Variants in SPAG9 observed in about 807,000 individuals in gnomAD.
SPAG9 encodes C-Jun-amino-terminal kinase-interacting protein 4.
SPAG9 carries 35 observed loss-of-function variants against 166.5 expected under a neutral mutation model. The ratio of observed to expected loss-of-function variants is 0.21; its 90% CI spans 0.16 to 0.28. The LOEUF (loss-of-function observed/expected upper bound fraction) is 0.28, where lower values mean the gene tolerates loss of function less well. SPAG9 is among the 10% of genes least tolerant of loss of function. SPAG9 has a pLI of 1.00. For missense variants in SPAG9, 1,235 were observed against 1,603.3 expected, an observed-to-expected ratio of 0.77 and a Z score of 3.92; for synonymous variants, 534 against 565.5, an observed-to-expected ratio of 0.94 and a Z score of 0.79.
chr17:51,117,125 C>A (rs796977389), intron 1 of SPAG9, among the ~76,000 whole-genome samples: 5 of 152,212 alleles, frequency 3.3e-5, no homozygotes, highest in African/African-American at 1.2e-4. Context: ...TAGCTCCACA[C>A]TAGAAATTCA....
In SPAG9 at chr17:50,974,958, A is replaced by G; in HGVS notation, c.3524-11T>C. ...CTGAGGTTTTATTTGCTGCAACAGA[A>G]AAACCAAATACCAAATATTTTCCCC... On this transcript the variant is annotated splice_polypyrimidine_tract_variant and intron_variant, in intron 27 of 29. Transcript: ENST00000262013. The G allele has an allele frequency of 6.2e-7, 1 of 1,609,646 alleles. No homozygotes were observed. The highest frequency in any genetic ancestry group is 8.5e-7 in the Non-Finnish European group (1 of 1,178,768).
At chr17:51,098,135 T>C (rs1378281583) in intron 1 of SPAG9, among the ~76,000 whole-genome samples, 1 of 151,452 alleles carries the variant, frequency 6.6e-6, no homozygotes, top group East Asian at 1.9e-4. Flanking sequence ...ACCCCACATA[T>C]TTGGTCACAG....
chr17:50,990,584 G>A lies in SPAG9; in HGVS notation c.2483C>T (p.Thr828Ile). 3.7e-6 allele frequency: 6 copies of A among 1,614,174 alleles called. No individual in the cohort carries two copies. Among genetic ancestry groups the A allele is most frequent in the Middle Eastern group, 1.6e-4 (1 of 6,062 alleles). Reference sequence around the variant, plus strand: ...GTCTGTCTCTGCTGAGCTGTTGCTTGTCATACTTCCACATAAAGATGCTTT... The same window carrying A: ...GTCTGTCTCTGCTGAGCTGTTGCTTATCATACTTCCACATAAAGATGCTTT... ...VDKASLCGSM[T>I]SNSSAETDSL... Residue 828 changes from threonine to isoleucine, a missense_variant, in exon 20 of 30, where the codon ACA becomes ATA. Physicochemically the swap from Thr to Ile is moderately conservative, Grantham distance 89. Transcript: ENST00000262013.
intron 22 of SPAG9, 36 bp downstream of exon 22, chr17:50,987,076 A>G (rs1298044101): frequency 6.4e-7 from 1 of 1,570,256 alleles, no homozygotes; most frequent in Non-Finnish European, 8.6e-7. Flanking sequence ...CAAAAGTAAA[A>G]CAACATATTC....
At chr17:51,113,628 C>T (rs1425354983) in intron 1 of SPAG9, among the ~76,000 whole-genome samples, 1 of 149,234 alleles carries the variant, frequency 6.7e-6, no homozygotes, top group Non-Finnish European at 1.5e-5. Context: ...TGCAGTGAGC[C>T]AAGATCGCGC....
chr17:51,100,746 C>A (rs997398480), intron 1 of SPAG9, among the ~76,000 whole-genome samples: 3 of 151,942 alleles, frequency 2.0e-5, no homozygotes, highest in Non-Finnish European at 4.4e-5. Flanking sequence ...ATGGAGAAAC[C>A]CCCTCTCTAC....
Position 51,047,422 on chromosome 17 carries a change from C to T in SPAG9, c.543G>A (p.Gln181=). The T allele has an allele frequency of 6.3e-7, 1 of 1,593,798 alleles. No homozygotes were observed. The highest frequency in any genetic ancestry group is 8.6e-7 in the Non-Finnish European group (1 of 1,168,464). Residue 181 remains glutamine (Q), a synonymous_variant, in exon 4 of 30, where the codon CAG becomes CAA. Coordinates refer to ENST00000262013, the MANE Select transcript of SPAG9 (RefSeq NM_001130528.3). ...ATTCTAGTTGATCACTCCCTGAGAG[C>T]TGATGAAGTTTTGTTCTTTCTAAAT... ...MEHLERTKLH[Q]LSGSDQLEST...
chr17:51,021,236 T>C lies in SPAG9; in HGVS notation c.913A>G (p.Thr305Ala), dbSNP rs2045925736. ...ATCTCTGATTTATTTGGCGCATCTG[T>C]AACCTTCACAAATCCTTCGTTTTCT... ...KEENEGFVKV[T>A]DAPNKSEISK... is the part of the protein sequence containing the mutation. Residue 305 changes from threonine (T) to alanine (A), a missense_variant, in exon 7 of 30, where the codon ACA becomes GCA. By Grantham distance (58) the Thr-to-Ala change is moderately conservative. Transcript: ENST00000262013. The C allele has an allele frequency of 6.2e-7, 1 of 1,614,150 alleles. No individual in the cohort carries two copies. The highest frequency in any genetic ancestry group is 8.5e-7 in the Non-Finnish European group (1 of 1,180,004).
At chr17:51,079,741 A>T (rs753377441) in intron 1 of SPAG9, 37 bp from the exon 2 acceptor site, 1 of 1,379,978 alleles carries the variant, frequency 7.2e-7, no homozygotes, top group Non-Finnish European at 1.0e-6. Flanking sequence ...AATCAGAGAA[A>T]TTAAACTTTA....
intron 6 of SPAG9, among the ~76,000 whole-genome samples, chr17:51,024,197 T>G (rs893802776): frequency 1.3e-5 from 2 of 151,752 alleles, no homozygotes; most frequent in Non-Finnish European, 2.9e-5. Context: ...GAGGCAGAGG[T>G]TGCAGTGAGC....
intron 1 of SPAG9, among the ~76,000 whole-genome samples, chr17:51,083,713 G>C (rs1366322440): frequency 6.6e-6 from 1 of 151,958 alleles, no homozygotes; most frequent in Non-Finnish European, 1.5e-5. Flanking sequence ...GAGCCACCAT[G>C]TTTAACTTTC....
chr17:50,985,442 T>G (rs1253109622), intron 23 of SPAG9, among the ~76,000 whole-genome samples: 1 of 152,220 alleles, frequency 6.6e-6, no homozygotes, highest in Non-Finnish European at 1.5e-5. Context: ...TTAATAGGTA[T>G]TGGTTATTTC....
At position 51,010,011 on chromosome 17, in the gene SPAG9, A is replaced by C. The variant is rs557247802; in HGVS notation, c.1214-2685T>G. 7.9e-4 allele frequency among the ~76,000 whole-genome samples: 120 copies of C among 152,282 alleles called. 1 individual carries two copies. The highest frequency in any genetic ancestry group is 1.1e-3 in the Non-Finnish European group (78 of 68,018). Reference sequence around the variant, plus strand: ...TCTATTCAAGACTTAAATGAAGCACAAACTTAGGTCTAATACATTTGAAAA... The same window carrying C: ...TCTATTCAAGACTTAAATGAAGCACCAACTTAGGTCTAATACATTTGAAAA... On this transcript the variant is annotated intron_variant, in intron 9 of 29. Coordinates refer to ENST00000262013, the MANE Select transcript of SPAG9 (RefSeq NM_001130528.3).
At chr17:51,006,959 A>G (rs1420882850) in intron 10 of SPAG9, among the ~76,000 whole-genome samples, 2 of 152,190 alleles carry the variant, frequency 1.3e-5, no homozygotes, top group Non-Finnish European at 2.9e-5. Flanking sequence ...TAAGGGAGGG[A>G]GCAAAAAAAG....
At chr17:51,111,166 A>G (rs2049100648) in intron 1 of SPAG9, among the ~76,000 whole-genome samples, 1 of 152,146 alleles carries the variant, frequency 6.6e-6, no homozygotes, top group South Asian at 2.1e-4. Flanking sequence ...CAATAATCAA[A>G]TATCACTGGT....
At chr17:50,999,611 A>G (rs1487003130) in intron 14 of SPAG9, 50 bp downstream of exon 14, 1 of 1,524,234 alleles carries the variant, frequency 6.6e-7, no homozygotes, top group Non-Finnish European at 9.0e-7. Flanking sequence ...TTTTGACTGT[A>G]ATTTTCTTGT....
At chr17:51,027,123 A>G (rs776578610) in intron 6 of SPAG9, among the ~76,000 whole-genome samples, 4 of 152,126 alleles carry the variant, frequency 2.6e-5, no homozygotes, top group Non-Finnish European at 5.9e-5. Context: ...ATACCTCACT[A>G]ACTGCCTCCA....
intron 27 of SPAG9, chr17:50,976,041 T>C: frequency 1.5e-6 from 1 of 680,882 alleles, no homozygotes; most frequent in South Asian, 1.6e-5. Flanking sequence ...AAGATCCCAC[T>C]TGGCATAATA....
chr17:51,100,270 T>C (rs9900738), intron 1 of SPAG9, among the ~76,000 whole-genome samples: 53,642 of 151,930 alleles, frequency 0.35, 9,954 homozygotes, highest in African/African-American at 0.47. Flanking sequence ...GAGCCAATTA[T>C]GGACTGAATT....
Sources: gnomAD v4.1 joint callset for allele counts (sites outside exome capture counted in the v4.1 genomes callset) on GRCh38, gnomAD v4.1.1 for gene constraint, MANE v1.5 for transcripts, NCBI Gene and HGNC (gene_info 2026-07-23, HGNC 2026-07-21) for gene names.